ZNF490: variants seen among roughly 807,000 people sequenced by gnomAD.
ZNF490 encodes the protein zinc finger protein 490.
In ZNF490, 11 loss-of-function variants were observed where a neutral mutation model predicts 17.7. The observed-to-expected ratio is 0.62, with a 90% CI of 0.39 to 1.03. The LOEUF is 1.03. Ranked by LOEUF, ZNF490 falls within the 50% of genes least tolerant of loss-of-function variation. The pLI is 0.00. For missense variants in ZNF490, 542 were observed against 643.4 expected (o/e 0.84, Z 1.71); for synonymous variants, 222 against 216.1 (o/e 1.03, Z -0.24).
chr19:12,610,763 T>C lies in ZNF490; in HGVS notation c.-83A>G. ...GGAACAATTTCTGCTTCAACACAATTGTCCACGGAGGGCACCAGTTCCGTC... is the reference window on the plus strand; with the variant it reads ...GGAACAATTTCTGCTTCAACACAATCGTCCACGGAGGGCACCAGTTCCGTC... On this transcript the variant is annotated 5_prime_UTR_variant, in exon 1 of 5. Transcript: ENST00000311437. The C allele has an allele frequency of 1.4e-6, 2 of 1,396,120 alleles. No individual in the cohort carries two copies. The highest frequency in any genetic ancestry group is 2.0e-6 in the Non-Finnish European group (2 of 991,902). The allele number at this position is 1,396,120 out of a possible 1,614,324, so 86.5% of individuals were successfully genotyped here. A position where few individuals can be genotyped will look rare whatever the true frequency, so the allele number is the denominator to read the frequency against.
chr19:12,583,488 G>C lies in ZNF490; in HGVS notation c.231C>G (p.Gly77=). ...TCACATCTCTGTAGATATTCCTCTG[G>C]CCAGGATCCAGCAAAGCCCACTCCT... is the stretch of plus-strand genomic sequence containing the variant. ...TLEEWALLDP[G]QRNIYRDVMR... Residue 77 remains glycine, a synonymous_variant, in exon 3 of 5, where the codon GGC becomes GGG. Transcript: ENST00000311437. The C allele has an allele frequency of 6.2e-7, 1 of 1,606,644 alleles. No individual in the cohort carries two copies. Among genetic ancestry groups the C allele is most frequent in the Non-Finnish European group, 8.5e-7 (1 of 1,175,284 alleles).
intron 2 of ZNF490, among the ~76,000 whole-genome samples, chr19:12,599,988 T>TA (rs1476487871): frequency 6.6e-6 from 1 of 152,150 alleles, no homozygotes; most frequent in Non-Finnish European, 1.5e-5. Flanking sequence ...TAAAGGGTAA[T>TA]AAAAAATCTA....
At chr19:12,584,129 T>C (rs1222627178) in intron 2 of ZNF490, among the ~76,000 whole-genome samples, 1 of 47,080 alleles carries the variant, frequency 2.1e-5, no homozygotes, top group African/African-American at 5.8e-5. Context: ...ATATTTTAAC[T>C]GTGATCACTT....
chr19:12,604,248 G>A (rs2023040752), intron 2 of ZNF490, among the ~76,000 whole-genome samples: 1 of 152,212 alleles, frequency 6.6e-6, no homozygotes, highest in African/African-American at 2.4e-5. Flanking sequence ...AGGTGTGGTG[G>A]CTCACGCCTG....
chr19:12,603,877 T>G (rs931506597), intron 2 of ZNF490, among the ~76,000 whole-genome samples: 1 of 152,046 alleles, frequency 6.6e-6, no homozygotes, highest in Non-Finnish European at 1.5e-5. Context: ...ATGTCTTTAG[T>G]TATTCATAAC....
chr19:12,587,445 C>G lies in ZNF490; in HGVS notation c.163-3889G>C, dbSNP rs1202410636. 3.7e-5 allele frequency among the ~76,000 whole-genome samples: 2 copies of G among 54,560 alleles called. 1 individual carries two copies. Among genetic ancestry groups the G allele is most frequent in the Admixed American group, 4.9e-4 (2 of 4,088 alleles). 35.8% of individuals were successfully genotyped at this position (54,560 alleles called of 152,430 possible). ...CACCATACCTAGGCCAACAAATCCA[C>G]TTTAAATATATCACAAAGATTGGGG... is the stretch of plus-strand genomic sequence containing the variant. On this transcript the variant is annotated intron_variant, in intron 2 of 4. Coordinates refer to ENST00000311437, the MANE Select transcript of ZNF490 (RefSeq NM_020714.3).
In ZNF490 at chr19:12,581,434, C is replaced by A; in HGVS notation, c.641G>T (p.Arg214Ile). 1.2e-6 allele frequency: 2 copies of A among 1,614,228 alleles called. No homozygotes were observed. The highest frequency in any genetic ancestry group is 1.7e-6 in the Non-Finnish European group (2 of 1,180,044). The change falls in exon 5 of 5, where the codon AGA (arginine) becomes ATA (isoleucine). Residue 214 changes from arginine (R) to isoleucine (I), a missense_variant. Physicochemically the swap from Arg to Ile is moderately conservative, Grantham distance 97. Transcript: ENST00000311437. ...ATAGGGTTTCTCTCCAGTGTGAATT[C>A]TTTCATGGGTTCGAATACTGGAGCT... Reference protein sequence around the residue: ...TRSSSIRTHERIHTGEKPYEC... With the variant: ...TRSSSIRTHEIIHTGEKPYEC...
chr19:12,607,025 C>A (rs1043108107), intron 2 of ZNF490, among the ~76,000 whole-genome samples: 1 of 152,020 alleles, frequency 6.6e-6, no homozygotes, highest in Non-Finnish European at 1.5e-5. Flanking sequence ...AAAGTCTTGT[C>A]TAAACTCATA....
At chr19:12,595,275 C>T in intron 2 of ZNF490, among the ~76,000 whole-genome samples, 1 of 151,898 alleles carries the variant, frequency 6.6e-6, no homozygotes, top group Middle Eastern at 3.2e-3. Context: ...GCTGGGATTA[C>T]AGCCATGCAC....
At chr19:12,610,448 C>A in intron 1 of ZNF490, 116 bp downstream of exon 1, 1 of 899,092 alleles carries the variant, frequency 1.1e-6, no homozygotes. Flanking sequence ...CTGTTATGGT[C>A]AAAGATTAAA....
chr19:12,579,415 G>C lies in ZNF490; in HGVS notation c.*1070C>G, dbSNP rs185826849. The C allele has an allele frequency of 4.6e-5, 7 of 151,746 alleles. No individual in the cohort carries two copies. The highest frequency in any genetic ancestry group is 1.5e-4 in the African/African-American group (6 of 41,308). 9.4% of individuals were successfully genotyped at this position (151,746 alleles called of 1,614,324 possible). A position where few individuals can be genotyped will look rare whatever the true frequency, so the allele number is the denominator to read the frequency against. On this transcript the variant is annotated 3_prime_UTR_variant, in exon 5 of 5. Coordinates refer to ENST00000311437, the MANE Select transcript of ZNF490 (RefSeq NM_020714.3). ...AAAATATAAAAATTAGTTGGGCGTG[G>C]TGGCATGTGCCTGTAATGCCAGCTA...
chr19:12,588,926 G>A (rs777807056), intron 2 of ZNF490, among the ~76,000 whole-genome samples: 31 of 152,270 alleles, frequency 2.0e-4, no homozygotes, highest in African/African-American at 3.9e-4. Context: ...ATCAAAACAC[G>A]TAGAATGCAG....
chr19:12,588,691 A>G (rs1276122285), intron 2 of ZNF490, among the ~76,000 whole-genome samples: 4 of 152,210 alleles, frequency 2.6e-5, no homozygotes. Flanking sequence ...GTTCACATGG[A>G]ATATTCACCA....
At chr19:12,596,996 G>A (rs1005649418) in intron 2 of ZNF490, among the ~76,000 whole-genome samples, 3 of 152,144 alleles carry the variant, frequency 2.0e-5, no homozygotes, top group Non-Finnish European at 2.9e-5. Context: ...TCGCAGGGAC[G>A]GGACAGAACG....
At position 12,580,912 on chromosome 19, in the gene ZNF490, T is replaced by G; in HGVS notation, c.1163A>C (p.Lys388Thr). ...ACCACATTGTTTACATTCATAGGGTTTTTCTCCAAAATGAGTTCTTTCGTG... is the reference window on the plus strand; with the variant it reads ...ACCACATTGTTTACATTCATAGGGTGTTTCTCCAAAATGAGTTCTTTCGTG... Reference protein sequence around the residue: ...EVHERTHFGEKPYECKQCGKA... With the variant: ...EVHERTHFGETPYECKQCGKA... Residue 388 changes from lysine (K) to threonine (T), a missense_variant, in exon 5 of 5, where the codon AAA becomes ACA. Lys to Thr is a moderately conservative substitution (Grantham distance 78). Coordinates refer to ENST00000311437, the MANE Select transcript of ZNF490 (RefSeq NM_020714.3). 6.2e-7 allele frequency: 1 copy of G among 1,614,186 alleles called. No individual in the cohort carries two copies. Among genetic ancestry groups the G allele is most frequent in the Non-Finnish European group, 8.5e-7 (1 of 1,180,036 alleles).
rs565934297 is a variant in ZNF490 at position 12,577,852 on chromosome 19, C to T, written c.*2633G>A. The T allele has an allele frequency of 4.4e-5, 43 of 985,472 alleles. 1 individual carries two copies. The East Asian group carries it at 2.7e-3, about 62-fold the overall frequency. 61.0% of individuals were successfully genotyped at this position (985,472 alleles called of 1,614,324 possible). A position where few individuals can be genotyped will look rare whatever the true frequency, so the allele number is the denominator to read the frequency against. On this transcript the variant is annotated 3_prime_UTR_variant, in exon 5 of 5. Transcript: ENST00000311437. ...TGGTTTCCCTCAATGCTGCCACCTC[C>T]CTTCTAAAACACACTGACTTGCTAA...
chr19:12,583,610 G>A, intron 2 of ZNF490, 54 bp from the exon 3 acceptor site: 1 of 1,478,366 alleles, frequency 6.8e-7, no homozygotes, highest in Non-Finnish European at 9.1e-7. Context: ...GCAGTAGTGA[G>A]GATCCATTCT....
chr19:12,583,836 A>G (rs1159585589), intron 2 of ZNF490, among the ~76,000 whole-genome samples: 1 of 99,980 alleles, frequency 1.0e-5, no homozygotes, highest in Non-Finnish European at 1.8e-5. Flanking sequence ...TTTTTGAAAC[A>G]TTCTTGCTCT....
chr19:12,596,428 C>T (rs1396820635), intron 2 of ZNF490, among the ~76,000 whole-genome samples: 1 of 152,076 alleles, frequency 6.6e-6, no homozygotes, highest in Non-Finnish European at 1.5e-5. Flanking sequence ...GCCTATAATA[C>T]CAACATTTTG....
Sources: gnomAD v4.1 joint callset for allele counts (sites outside exome capture counted in the v4.1 genomes callset) on GRCh38, gnomAD v4.1.1 for gene constraint, MANE v1.5 for transcripts, NCBI Gene and HGNC (gene_info 2026-07-23, HGNC 2026-07-21) for gene names.